The following ZNF560 variants were observed in gnomAD, a reference collection of about 807,000 sequenced individuals.
The protein encoded by ZNF560 is zinc finger protein 560.
ZNF560 carries 54 observed loss-of-function variants against 81.8 expected under a neutral mutation model. The ratio of observed to expected loss-of-function variants is 0.66; its 90% confidence interval spans 0.53 to 0.83. The LOEUF is 0.83. Ranked by LOEUF, ZNF560 falls within the 40% of genes least tolerant of loss-of-function variation. The probability of loss-of-function intolerance (pLI) is 0.00; values close to 1 mark genes in which losing one functional copy is unlikely to be tolerated. For missense variants in ZNF560, 940 were observed against 932.4 expected (o/e 1.01, Z -0.11); for synonymous variants, 321 against 317.9 (o/e 1.01, Z -0.10).
Position 9,467,112 on chromosome 19 carries a change from C to T in ZNF560, c.1835G>A (p.Arg612His), listed in dbSNP as rs201868107. ...TCGTAAATGTTTAGTAAGATCTGAG[C>T]GTTCTGTGAAGGCTTTTCCACATTT... ...CKKCGKAFTE[R>H]SDLTKHLRRH... is the part of the protein sequence containing the mutation. Residue 612 changes from arginine (R) to histidine (H), a missense_variant, in exon 10 of 10, where the codon CGC (arginine) becomes CAC (histidine). Transcript: ENST00000301480. 1.0e-4 allele frequency: 167 copies of T among 1,613,760 alleles called. No homozygotes were observed. The highest frequency in any genetic ancestry group is 1.7e-4 in the Middle Eastern group (1 of 5,936).
At chr19:9,449,990 A>AC in the ZNF560 span, among the ~76,000 whole-genome samples, 209 of 147,670 alleles carry the variant, frequency 1.4e-3, 1 homozygote, top group Non-Finnish European at 2.7e-3. Context: ...AAAAAAAAAA[A>AC]AAAAAAAACA....
chr19:9,452,457 T>A, the ZNF560 span, among the ~76,000 whole-genome samples: 1 of 152,172 alleles, frequency 6.6e-6, no homozygotes, highest in African/African-American at 2.4e-5. Flanking sequence ...ACTCATATAT[T>A]CATCACAGCA....
chr19:9,488,432 G>A (rs943286801), intron 2 of ZNF560, among the ~76,000 whole-genome samples: 5 of 152,040 alleles, frequency 3.3e-5, no homozygotes, highest in Non-Finnish European at 7.4e-5. Flanking sequence ...TTTGGTTTCT[G>A]AGGAGAAAGC....
chr19:9,448,228 C>G, the ZNF560 span, among the ~76,000 whole-genome samples: 151,390 of 151,788 alleles, frequency 1, 75,496 homozygotes, highest in East Asian at 1. Context: ...GTGCGTGTGG[C>G]GGGGGGTTTG....
chr19:9,449,198 T>C, the ZNF560 span, among the ~76,000 whole-genome samples: 3 of 152,126 alleles, frequency 2.0e-5, no homozygotes, highest in African/African-American at 4.8e-5. Flanking sequence ...AAAATACATA[T>C]TCTTCTCGTC....
downstream of ZNF560, among the ~76,000 whole-genome samples, chr19:9,464,545 G>T (rs1236709841): frequency 2.0e-5 from 3 of 152,168 alleles, no homozygotes; most frequent in African/African-American, 7.2e-5. Flanking sequence ...TATCTGAAAA[G>T]ATCAGGTTTG....
In ZNF560 at chr19:9,468,392, C is replaced by T. The variant is rs948570472; in HGVS notation, c.613-58G>A. The T allele has an allele frequency of 8.0e-6, 10 of 1,252,164 alleles. No individual in the cohort carries two copies. In the African/African-American group the frequency reaches 1.4e-4, roughly 17 times the overall value. 77.6% of individuals were successfully genotyped at this position (1,252,164 alleles called of 1,614,324 possible). On this transcript the variant is annotated intron_variant, in intron 9 of 9. Transcript: ENST00000301480. ...ATTTTAGCAGACTTATTAATAGATA[C>T]CACTCTTCTAAGAAACATGATAATT...
At chr19:9,445,974 C>T in the ZNF560 span, among the ~76,000 whole-genome samples, 1 of 152,174 alleles carries the variant, frequency 6.6e-6, no homozygotes, top group South Asian at 2.1e-4. Flanking sequence ...GAGGCTGGAA[C>T]CAAGTAAATG....
intron 4 of ZNF560, 83 bp downstream of exon 4, chr19:9,474,116 T>C: frequency 3.3e-6 from 5 of 1,521,900 alleles, no homozygotes; most frequent in Non-Finnish European, 4.5e-6. Flanking sequence ...AATTCAGTGT[T>C]GAACAAACCA....
At chr19:9,478,017 A>G (rs902343571) in intron 2 of ZNF560, among the ~76,000 whole-genome samples, 1 of 152,226 alleles carries the variant, frequency 6.6e-6, no homozygotes. Flanking sequence ...AGGAAAATAT[A>G]TAAATATCCA....
the ZNF560 span, among the ~76,000 whole-genome samples, chr19:9,452,012 G>C: frequency 1.3e-5 from 2 of 152,056 alleles, no homozygotes; most frequent in Non-Finnish European, 2.9e-5. Context: ...AGAGGCGGAG[G>C]TTGCAGTGAG....
intron 2 of ZNF560, among the ~76,000 whole-genome samples, chr19:9,485,388 T>C (rs1445470611): frequency 2.6e-5 from 4 of 151,920 alleles, no homozygotes; most frequent in African/African-American, 9.7e-5. Flanking sequence ...ATCAATGTGA[T>C]TAGAACCACA....
chr19:9,453,522 C>T, the ZNF560 span, among the ~76,000 whole-genome samples: 8 of 152,054 alleles, frequency 5.3e-5, no homozygotes, highest in Non-Finnish European at 1.2e-4. Flanking sequence ...GCAAAAGGCA[C>T]AAATACTTAA....
Position 9,466,816 on chromosome 19 carries a change from G to T in ZNF560, c.2131C>A (p.Pro711Thr). The T allele has an allele frequency of 6.2e-7, 1 of 1,614,026 alleles. No homozygotes were observed. Among genetic ancestry groups the T allele is most frequent in the Non-Finnish European group, 8.5e-7 (1 of 1,180,008 alleles). Residue 711 changes from proline (P) to threonine (T), a missense_variant, in exon 10 of 10, where the codon CCC becomes ACC. Coordinates refer to ENST00000301480, the MANE Select transcript of ZNF560 (RefSeq NM_152476.3). ...TTCCCACAGTCCTTACATTTATAGG[G>T]TTTTATTTTGGTGAGAGTTTTTAAG... ...DRLKTLTKIK[P>T]YKCKDCGKAF...
the ZNF560 span, among the ~76,000 whole-genome samples, chr19:9,504,441 A>T: frequency 1.4e-4 from 21 of 152,286 alleles, no homozygotes; most frequent in Admixed American, 1.2e-3. Flanking sequence ...TCTCAAAAAA[A>T]ATAAAAATTA....
At chr19:9,489,416 C>A (rs2073436113) in intron 2 of ZNF560, among the ~76,000 whole-genome samples, 1 of 150,962 alleles carries the variant, frequency 6.6e-6, no homozygotes, top group South Asian at 2.1e-4. Context: ...GGTGGCTGAG[C>A]AGAGGCGCTC....
chr19:9,454,681 A>T, the ZNF560 span, among the ~76,000 whole-genome samples: 1 of 152,114 alleles, frequency 6.6e-6, no homozygotes, highest in Non-Finnish European at 1.5e-5. Flanking sequence ...CTGGTTTCCG[A>T]CTGAGGAAAT....
chr19:9,490,183 C>G (rs548176770), intron 2 of ZNF560, among the ~76,000 whole-genome samples: 1 of 152,242 alleles, frequency 6.6e-6, no homozygotes, highest in Non-Finnish European at 1.5e-5. Context: ...AAGACACCCT[C>G]TTCACAAAGG....
At chr19:9,462,881 A>G (rs924848394), downstream of ZNF560, among the ~76,000 whole-genome samples, 2 of 152,238 alleles carry the variant, frequency 1.3e-5, no homozygotes, top group Non-Finnish European at 2.9e-5. Flanking sequence ...AAGAGGAATC[A>G]GGGAAAAGCA....
Sources: allele counts gnomAD v4.1 joint callset (sites outside exome capture counted in the v4.1 genomes callset), GRCh38; gene constraint gnomAD v4.1.1; transcripts MANE v1.5; gene names NCBI Gene and HGNC (gene_info 2026-07-23, HGNC 2026-07-21).